Variants in THADA observed in about 807,000 individuals in gnomAD.
THADA encodes the protein tRNA (32-2'-O)-methyltransferase regulator THADA.
A neutral mutation model predicts 219.8 loss-of-function variants in THADA; 213 were observed. The observed-to-expected ratio is 0.97, with a 90% confidence interval of 0.87 to 1.09. The LOEUF is 1.09. Among genes scored for constraint, THADA ranks in the 50% least tolerant of loss-of-function variants. The pLI, the probability that THADA is intolerant of heterozygous loss-of-function variation, is 0.00. For synonymous variants in THADA, 1,018 were observed against 828.9 expected, an observed-to-expected ratio of 1.23 and a Z score of -3.92; for missense variants, 2,956 against 2,311.3, an observed-to-expected ratio of 1.28 and a Z score of -5.72.
At chr2:43,525,061 G>GT (rs1431443241) in intron 22 of THADA, among the ~76,000 whole-genome samples, 5 of 152,074 alleles carry the variant, frequency 3.3e-5, no homozygotes, top group Non-Finnish European at 7.4e-5. Context: ...TCTGACTTAA[G>GT]TATTTCCACC....
intron 26 of THADA, among the ~76,000 whole-genome samples, chr2:43,468,733 G>C (rs562444242): frequency 3.3e-5 from 5 of 152,220 alleles, no homozygotes; most frequent in Admixed American, 1.3e-4. Flanking sequence ...CAATACCACC[G>C]CAAGAAAGAG....
chr2:43,299,781 C>T (rs1256850247), intron 31 of THADA, among the ~76,000 whole-genome samples: 1 of 151,934 alleles, frequency 6.6e-6, no homozygotes, highest in Non-Finnish European at 1.5e-5. Context: ...AATCCCAGCA[C>T]TTTGGGAGGC....
At chr2:43,518,156 T>C (rs1027672190) in intron 22 of THADA, among the ~76,000 whole-genome samples, 3 of 152,188 alleles carry the variant, frequency 2.0e-5, no homozygotes. Flanking sequence ...TCCCAGCACC[T>C]ATAACACGGC....
intron 31 of THADA, among the ~76,000 whole-genome samples, chr2:43,306,576 A>C (rs992533494): frequency 1.3e-5 from 2 of 152,090 alleles, no homozygotes; most frequent in Non-Finnish European, 2.9e-5. Flanking sequence ...CTAGTGCTAC[A>C]ATTTAGTTCT....
At chr2:43,474,641 T>C (rs1394852507) in intron 26 of THADA, among the ~76,000 whole-genome samples, 1 of 151,796 alleles carries the variant, frequency 6.6e-6, no homozygotes, top group Non-Finnish European at 1.5e-5. Flanking sequence ...TAAGAAGGCT[T>C]TGCTTATAGG....
intron 30 of THADA, among the ~76,000 whole-genome samples, chr2:43,332,573 A>C (rs1449977508): frequency 6.6e-6 from 1 of 152,252 alleles, no homozygotes; most frequent in Non-Finnish European, 1.5e-5. Flanking sequence ...TGAAGGTAAC[A>C]AAGGTGTTAA....
At chr2:43,456,419 G>A (rs971093436) in intron 26 of THADA, among the ~76,000 whole-genome samples, 2 of 152,190 alleles carry the variant, frequency 1.3e-5, no homozygotes, top group African/African-American at 4.8e-5. Context: ...ATTCTGTGGT[G>A]GGGTGGGAAT....
At chr2:43,385,549 G>A (rs927005305) in intron 29 of THADA, among the ~76,000 whole-genome samples, 1 of 149,820 alleles carries the variant, frequency 6.7e-6, no homozygotes, top group African/African-American at 2.5e-5. Flanking sequence ...GGAGCTTGCC[G>A]TGAGCGGAGA....
chr2:43,529,438 T>C (rs1156795324), intron 21 of THADA, among the ~76,000 whole-genome samples: 9 of 152,184 alleles, frequency 5.9e-5, no homozygotes, highest in Non-Finnish European at 1.0e-4. Flanking sequence ...CTCCAACTCT[T>C]GGGCCCCAAG....
chr2:43,255,736 C>T (rs900668032), intron 36 of THADA, among the ~76,000 whole-genome samples: 1 of 152,234 alleles, frequency 6.6e-6, no homozygotes, highest in Admixed American at 6.5e-5. Flanking sequence ...AGGCCTCACT[C>T]ATTATCGGGT....
intron 36 of THADA, among the ~76,000 whole-genome samples, chr2:43,267,962 G>A (rs1027592837): frequency 2.0e-5 from 3 of 152,336 alleles, no homozygotes; most frequent in African/African-American, 7.2e-5. Flanking sequence ...AGCCCTGGTT[G>A]TACTCCAGTA....
chr2:43,367,881 G>A (rs984007655), intron 29 of THADA, among the ~76,000 whole-genome samples: 2 of 152,168 alleles, frequency 1.3e-5, no homozygotes, highest in African/African-American at 4.8e-5. Flanking sequence ...CACTTCGGGA[G>A]GCCAAGGTGG....
At chr2:43,298,018 G>A (rs1164332474) in intron 31 of THADA, among the ~76,000 whole-genome samples, 2 of 99,828 alleles carry the variant, frequency 2.0e-5, no homozygotes, top group East Asian at 2.4e-4. Flanking sequence ...TCAGCCCCCC[G>A]GCCCGGCCAG....
chr2:43,338,090 T>C (rs552966042), intron 30 of THADA, among the ~76,000 whole-genome samples: 154 of 152,198 alleles, frequency 1.0e-3, no homozygotes, highest in Non-Finnish European at 1.9e-3. Context: ...ATCTTATCCA[T>C]TTTTGAGTGT....
At chr2:43,437,086 C>A (rs1008080602) in intron 26 of THADA, among the ~76,000 whole-genome samples, 1 of 152,152 alleles carries the variant, frequency 6.6e-6, no homozygotes. Context: ...TTGGTTACTC[C>A]TGCTATAAGA....
Position 43,575,606 on chromosome 2 carries a change from G to A in THADA, c.1038-579C>T, listed in dbSNP as rs142084412. Among the ~76,000 whole-genome samples, 15 of 152,154 alleles carry A rather than the reference G, an allele frequency of 9.9e-5. No homozygotes were observed. In the East Asian group the frequency reaches 2.5e-3, roughly 25 times the overall value. On this transcript the variant is annotated intron_variant, in intron 10 of 37. Coordinates refer to ENST00000405975, the MANE Select transcript of THADA (RefSeq NM_022065.5). ...GGCTGGAGTGCAGTGGTGCGATCTCGGCTCACTGCAACCCCTGCCTCCCAG... is the reference window on the plus strand; with the variant it reads ...GGCTGGAGTGCAGTGGTGCGATCTCAGCTCACTGCAACCCCTGCCTCCCAG...
At chr2:43,542,141 A>G (rs1046832519) in intron 20 of THADA, among the ~76,000 whole-genome samples, 2 of 152,192 alleles carry the variant, frequency 1.3e-5, no homozygotes, top group African/African-American at 4.8e-5. Flanking sequence ...TCCAAGATGA[A>G]CTATTATATT....
intron 19 of THADA, among the ~76,000 whole-genome samples, chr2:43,550,266 T>C (rs1696595072): frequency 6.6e-6 from 1 of 152,220 alleles, no homozygotes; most frequent in Non-Finnish European, 1.5e-5. Context: ...CCGGTATTTA[T>C]TGTACATCTA....
chr2:43,382,972 A>G (rs900385705), intron 29 of THADA, among the ~76,000 whole-genome samples: 3 of 152,232 alleles, frequency 2.0e-5, no homozygotes, highest in Non-Finnish European at 4.4e-5. Flanking sequence ...TTTTAAGAAA[A>G]TTTAACAATA....
Sources: gnomAD v4.1 joint callset for allele counts (sites outside exome capture counted in the v4.1 genomes callset) on GRCh38, gnomAD v4.1.1 for gene constraint, MANE v1.5 for transcripts, NCBI Gene and HGNC (gene_info 2026-07-23, HGNC 2026-07-21) for gene names.